Variants in PHACTR1 observed in about 807,000 individuals in gnomAD.
PHACTR1 encodes the protein phosphatase and actin regulator 1.
In PHACTR1, 16 loss-of-function variants were observed where a neutral mutation model predicts 69.2. The ratio of observed to expected loss-of-function variants is 0.23; its 90% CI spans 0.16 to 0.35. The LOEUF is 0.35. PHACTR1 is among the 10% of genes least tolerant of loss of function. PHACTR1 has a pLI of 1.00. For missense variants in PHACTR1, 510 were observed against 734.7 expected (o/e 0.69, Z 3.54); for synonymous variants, 312 against 284.5 (o/e 1.10, Z -0.97).
intron 10 of PHACTR1, among the ~76,000 whole-genome samples, chr6:13,257,377 GAC>G (rs1775329208): frequency 6.6e-6 from 1 of 152,130 alleles, no homozygotes; most frequent in African/African-American, 2.4e-5. Flanking sequence ...TTTGGGTGGG[GAC>G]ACAGATCCAA....
At chr6:12,721,571 T>A (rs532280790) in intron 3 of PHACTR1, among the ~76,000 whole-genome samples, 2 of 152,328 alleles carry the variant, frequency 1.3e-5, no homozygotes, top group South Asian at 4.1e-4. Context: ...AAATAGCTCA[T>A]CTTGCTGCTC....
intron 4 of PHACTR1, among the ~76,000 whole-genome samples, chr6:13,003,853 G>A (rs1005727377): frequency 1.3e-5 from 2 of 150,382 alleles, no homozygotes; most frequent in East Asian, 3.9e-4. Flanking sequence ...TTGACTTTCT[G>A]TCTCTGAGTT....
At chr6:12,739,389 C>T (rs1489454234) in intron 3 of PHACTR1, among the ~76,000 whole-genome samples, 6 of 151,892 alleles carry the variant, frequency 4.0e-5, no homozygotes, top group Admixed American at 1.3e-4. Flanking sequence ...AAAGACAGCC[C>T]AAGTCATCAA....
At chr6:13,117,106 C>T (rs1039585923) in intron 5 of PHACTR1, among the ~76,000 whole-genome samples, 6 of 152,184 alleles carry the variant, frequency 3.9e-5, no homozygotes, top group African/African-American at 1.4e-4. Flanking sequence ...GACAAGGTGT[C>T]CCATGGGAAG....
chr6:13,046,743 C>A (rs1805121506), intron 4 of PHACTR1, among the ~76,000 whole-genome samples: 2 of 151,908 alleles, frequency 1.3e-5, no homozygotes, highest in Non-Finnish European at 1.5e-5. Flanking sequence ...ACTTTACGTC[C>A]CCATCCCATT....
At chr6:12,870,065 A>G (rs1206179390) in intron 4 of PHACTR1, among the ~76,000 whole-genome samples, 1 of 152,154 alleles carries the variant, frequency 6.6e-6, no homozygotes, top group South Asian at 2.1e-4. Context: ...GGATCGAATG[A>G]AAGAGGAGAA....
At chr6:12,725,284 G>A (rs1167186947) in intron 3 of PHACTR1, among the ~76,000 whole-genome samples, 1 of 152,076 alleles carries the variant, frequency 6.6e-6, no homozygotes, top group East Asian at 1.9e-4. Context: ...CTTCAAACAT[G>A]GCCCCAAGAG....
intron 5 of PHACTR1, among the ~76,000 whole-genome samples, chr6:13,055,092 A>G (rs556820536): frequency 2.6e-5 from 4 of 152,346 alleles, no homozygotes; most frequent in Admixed American, 6.5e-5. Context: ...GAAAATCTGC[A>G]GAGTCTTGAA....
intron 6 of PHACTR1, among the ~76,000 whole-genome samples, chr6:13,170,434 G>A (rs899457693): frequency 2.6e-5 from 4 of 152,086 alleles, no homozygotes; most frequent in African/African-American, 9.7e-5. Context: ...GGGCATAGTG[G>A]GCATCAATGC....
chr6:13,227,724 G>A, intron 8 of PHACTR1, 92 bp from the exon 9 acceptor site: 1 of 1,486,694 alleles, frequency 6.7e-7, no homozygotes, highest in Non-Finnish European at 9.1e-7. Flanking sequence ...TGTCTCTTAG[G>A]ACTGGGCAAC....
chr6:13,008,726 G>C (rs1298301668), intron 4 of PHACTR1, among the ~76,000 whole-genome samples: 1 of 152,158 alleles, frequency 6.6e-6, no homozygotes. Context: ...TTTTAACCTT[G>C]TTCTTAATCT....
chr6:12,812,612 T>C (rs1465467451), intron 4 of PHACTR1, among the ~76,000 whole-genome samples: 1 of 152,232 alleles, frequency 6.6e-6, no homozygotes, highest in African/African-American at 2.4e-5. Flanking sequence ...AGAAAGCTCG[T>C]GAACGCCCCT....
intron 4 of PHACTR1, among the ~76,000 whole-genome samples, chr6:12,997,996 A>G (rs1413123623): frequency 6.6e-6 from 1 of 152,212 alleles, no homozygotes; most frequent in Non-Finnish European, 1.5e-5. Flanking sequence ...ATTATTATTA[A>G]CTACAGTTAC....
chr6:12,941,051 G>A (rs1790005445), intron 4 of PHACTR1, among the ~76,000 whole-genome samples: 4 of 152,190 alleles, frequency 2.6e-5, no homozygotes, highest in African/African-American at 9.7e-5. Context: ...TGGCCGTTAT[G>A]TTTCCTGGGC....
At chr6:13,154,544 CTT>C (rs1002293935) in intron 5 of PHACTR1, among the ~76,000 whole-genome samples, 32 of 152,278 alleles carry the variant, frequency 2.1e-4, no homozygotes, top group African/African-American at 7.2e-4. Context: ...GTCCTTCTGA[CTT>C]TATTTTTTTA....
At chr6:12,830,796 A>T (rs937444778) in intron 4 of PHACTR1, among the ~76,000 whole-genome samples, 1 of 151,474 alleles carries the variant, frequency 6.6e-6, no homozygotes. Context: ...GGGTTTCATC[A>T]TGTTGGCCAG....
At chr6:12,901,172 T>A (rs137915652) in intron 4 of PHACTR1, among the ~76,000 whole-genome samples, 143 of 152,278 alleles carry the variant, frequency 9.4e-4, no homozygotes, top group African/African-American at 3.2e-3. Context: ...GGAGGCCCTG[T>A]TGGGCTACTG....
At chr6:12,798,135 T>C (rs1332772157) in intron 4 of PHACTR1, among the ~76,000 whole-genome samples, 1 of 150,722 alleles carries the variant, frequency 6.6e-6, no homozygotes, top group African/African-American at 2.4e-5. Context: ...TCTGGTACCA[T>C]ACTGTGGTTA....
chr6:13,208,728 A>G (rs1766325936), intron 8 of PHACTR1, among the ~76,000 whole-genome samples: 1 of 150,552 alleles, frequency 6.6e-6, no homozygotes, highest in Non-Finnish European at 1.5e-5. Flanking sequence ...TGTTAATAGT[A>G]TATTGCTAAA....
Sources: allele counts gnomAD v4.1 joint callset (sites outside exome capture counted in the v4.1 genomes callset), GRCh38; gene constraint gnomAD v4.1.1; transcripts MANE v1.5; gene names NCBI Gene and HGNC (gene_info 2026-07-23, HGNC 2026-07-21).